Variants in ZC3H12B observed in about 807,000 individuals in gnomAD.
ZC3H12B encodes the protein zinc finger CCCH-type containing 12B, also known as probable ribonuclease ZC3H12B.
Under a neutral mutation model 43.9 loss-of-function variants are expected in ZC3H12B, and 7 were observed. That is an observed-to-expected ratio of 0.16 (90% CI 0.09 to 0.30). ZC3H12B has a LOEUF of 0.30. ZC3H12B is among the 10% of genes least tolerant of loss of function. The probability of loss-of-function intolerance (pLI) is 1.00; values close to 1 mark genes in which losing one functional copy is unlikely to be tolerated. For synonymous variants in ZC3H12B, 222 were observed against 241.7 expected (o/e 0.92, Z 0.76); for missense variants, 475 against 670.2 (o/e 0.71, Z 3.22).
At chrX:65,278,786 T>G in the ZC3H12B span, among the ~76,000 whole-genome samples, 7 of 108,893 alleles carry the variant, frequency 6.4e-5, no homozygotes, top group African/African-American at 2.3e-4. Context: ...TCTTTTCTGC[T>G]CCTCTCCCTC....
chrX:65,183,491 C>T, the ZC3H12B span, among the ~76,000 whole-genome samples: 2 of 111,032 alleles, frequency 1.8e-5, no homozygotes, highest in African/African-American at 6.5e-5. Context: ...ACACCAAACC[C>T]CAGTTGCACG....
At chrX:65,170,819 A>G in the ZC3H12B span, among the ~76,000 whole-genome samples, 1 of 111,771 alleles carries the variant, frequency 8.9e-6, no homozygotes, top group Non-Finnish European at 1.9e-5. Context: ...CTTCCTGTTG[A>G]TCAAATCAGC....
chrX:65,289,540 T>G, the ZC3H12B span, among the ~76,000 whole-genome samples: 14 of 109,215 alleles, frequency 1.3e-4, no homozygotes, highest in Admixed American at 5.9e-4. Context: ...ATGTATATAT[T>G]TTATGTTATA....
the ZC3H12B span, among the ~76,000 whole-genome samples, chrX:65,293,860 G>A: frequency 8.1e-5 from 9 of 111,504 alleles, no homozygotes; most frequent in East Asian, 2.8e-4. Flanking sequence ...AAATTATGTT[G>A]AATGACCAAA....
chrX:65,435,907 G>T (rs775231110), intron 3 of ZC3H12B, among the ~76,000 whole-genome samples: 1 of 112,041 alleles, frequency 8.9e-6, no homozygotes, highest in African/African-American at 3.2e-5. Flanking sequence ...ATGGGGAGCC[G>T]CTCATGCAGG....
At chrX:65,159,456 T>C in the ZC3H12B span, among the ~76,000 whole-genome samples, 1 of 111,831 alleles carries the variant, frequency 8.9e-6, no homozygotes, top group Admixed American at 9.5e-5. Flanking sequence ...CAGTGGTCTG[T>C]AGTTCTCCTT....
At chrX:65,421,679 G>C (rs763980720) in intron 3 of ZC3H12B, among the ~76,000 whole-genome samples, 1 of 112,237 alleles carries the variant, frequency 8.9e-6, no homozygotes, top group Non-Finnish European at 1.9e-5. Context: ...GTGCAGCAAC[G>C]GGCCAGGTGC....
the ZC3H12B span, among the ~76,000 whole-genome samples, chrX:65,260,253 A>T: frequency 3.5e-3 from 388 of 110,871 alleles, 3 homozygotes; most frequent in African/African-American, 0.012. Context: ...GCATTCATTT[A>T]CACCAAGAAT....
chrX:65,333,288 C>T, the ZC3H12B span, among the ~76,000 whole-genome samples: 1 of 111,949 alleles, frequency 8.9e-6, no homozygotes, highest in Non-Finnish European at 1.9e-5. Flanking sequence ...GGTAAAATAA[C>T]CAGTTTCTCC....
chrX:65,387,039 A>T (rs755274941), intron 2 of ZC3H12B, among the ~76,000 whole-genome samples: 1 of 111,716 alleles, frequency 9.0e-6, no homozygotes, highest in East Asian at 2.8e-4. Flanking sequence ...GTTCTTTTAC[A>T]TGTGCTGAGG....
At chrX:65,473,330 A>T (rs1304183671) in intron 3 of ZC3H12B, among the ~76,000 whole-genome samples, 2 of 110,789 alleles carry the variant, frequency 1.8e-5, no homozygotes, top group Non-Finnish European at 3.8e-5. Context: ...ATATATTTTT[A>T]AATCAAGATG....
chrX:65,131,694 A>G, the ZC3H12B span, among the ~76,000 whole-genome samples: 1 of 111,498 alleles, frequency 9.0e-6, no homozygotes, highest in East Asian at 2.8e-4. Flanking sequence ...GAAGGAAAGG[A>G]ATTGTTGTTT....
chrX:65,408,353 C>G, intron 3 of ZC3H12B: 1 of 1,203,317 alleles, frequency 8.3e-7, no homozygotes, highest in Admixed American at 2.2e-5. Flanking sequence ...GATTTGTGCA[C>G]AAGTCATCCC....
chrX:65,101,817 G>A, the ZC3H12B span, among the ~76,000 whole-genome samples: 104 of 112,088 alleles, frequency 9.3e-4, no homozygotes, highest in African/African-American at 3.1e-3. Flanking sequence ...AGTACTAATA[G>A]GAGCCATTCC....
At chrX:65,260,294 A>G in the ZC3H12B span, among the ~76,000 whole-genome samples, 3 of 110,684 alleles carry the variant, frequency 2.7e-5, no homozygotes, top group African/African-American at 9.8e-5. Flanking sequence ...TAAGAACACA[A>G]TAGCCACCAA....
chrX:65,226,113 G>A, the ZC3H12B span, among the ~76,000 whole-genome samples: 9 of 111,551 alleles, frequency 8.1e-5, no homozygotes, highest in Admixed American at 5.7e-4. Flanking sequence ...AAATGTTAAG[G>A]GCAGCCAGAG....
chrX:65,361,132 C>T, the ZC3H12B span, among the ~76,000 whole-genome samples: 1 of 111,796 alleles, frequency 8.9e-6, no homozygotes, highest in African/African-American at 3.2e-5. Context: ...TCTTTCTTCA[C>T]ATGTGTTATC....
chrX:65,318,481 C>T, the ZC3H12B span, among the ~76,000 whole-genome samples: 1 of 106,326 alleles, frequency 9.4e-6, no homozygotes, highest in Non-Finnish European at 1.9e-5. Context: ...GTGGTGTGAT[C>T]TCAGCTCAGC....
At chrX:65,056,349 C>T in the ZC3H12B span, among the ~76,000 whole-genome samples, 1 of 111,239 alleles carries the variant, frequency 9.0e-6, no homozygotes, top group Admixed American at 9.5e-5. Context: ...CCTTATGTAC[C>T]CAGTAGTCAT....
Sources: allele counts gnomAD v4.1 joint callset (sites outside exome capture counted in the v4.1 genomes callset), GRCh38; gene constraint gnomAD v4.1.1; transcripts MANE v1.5; gene names NCBI Gene and HGNC (gene_info 2026-07-23, HGNC 2026-07-21).